PTCHD4: variants seen among roughly 807,000 people sequenced by gnomAD.
PTCHD4 encodes the protein patched domain-containing protein 4.
In PTCHD4, 33 loss-of-function variants were observed where a neutral mutation model predicts 58.1. The ratio of observed to expected loss-of-function variants is 0.57; its 90% CI spans 0.43 to 0.76. The LOEUF is 0.76. Among genes scored for constraint, PTCHD4 ranks in the 30% least tolerant of loss-of-function variants. PTCHD4 has a pLI of 0.00. For synonymous variants in PTCHD4, 478 were observed against 409.6 expected, an observed-to-expected ratio of 1.17 and a Z score of -2.02; for missense variants, 1,058 against 1,027.1, an observed-to-expected ratio of 1.03 and a Z score of -0.41.
rs565197087 is a variant in PTCHD4 at position 47,873,061 on chromosome 6, A to T, written c.*5242T>A. Among the ~76,000 whole-genome samples the T allele has an allele frequency of 6.6e-6, 1 of 151,672 alleles. No homozygotes were observed. The highest frequency in any genetic ancestry group is 1.5e-5 in the Non-Finnish European group (1 of 67,750). On this transcript the variant is annotated 3_prime_UTR_variant, in exon 5 of 5. Transcript: ENST00000339488. ...GCTTACTTTAAGCTTCTTTACAAAG[A>T]GTCTCCCTAGCTTTTCACTTTCACT... is the stretch of plus-strand genomic sequence containing the variant.
chr6:48,028,318 AGTGAGTAATTTTG>A (rs1356745020), intron 3 of PTCHD4, among the ~76,000 whole-genome samples: 61 of 152,152 alleles, frequency 4.0e-4, no homozygotes, highest in Admixed American at 1.2e-3. Flanking sequence ...TAAGGTTAAA[AGTGAGTAATTTTG>A]CTTTAAAGTA....
At chr6:48,074,092 G>T in intron 1 of PTCHD4, among the ~76,000 whole-genome samples, 1 of 151,832 alleles carries the variant, frequency 6.6e-6, no homozygotes, top group South Asian at 2.1e-4. Context: ...CTTCTGTGAC[G>T]GGTTTAAGGA....
At chr6:47,980,853 A>T (rs1273427563) in intron 4 of PTCHD4, among the ~76,000 whole-genome samples, 1 of 151,870 alleles carries the variant, frequency 6.6e-6, no homozygotes, top group Non-Finnish European at 1.5e-5. Flanking sequence ...ATATATATAT[A>T]TTTAACATTT....
At chr6:48,025,164 T>C (rs1763199557) in intron 3 of PTCHD4, among the ~76,000 whole-genome samples, 1 of 152,198 alleles carries the variant, frequency 6.6e-6, no homozygotes, top group Non-Finnish European at 1.5e-5. Context: ...TGCTCAAGAA[T>C]GGCAAGAACA....
intron 1 of PTCHD4, among the ~76,000 whole-genome samples, chr6:48,075,469 T>TA (rs1311902289): frequency 6.6e-6 from 1 of 151,766 alleles, no homozygotes; most frequent in African/African-American, 2.4e-5. Context: ...CTAGTTAGTT[T>TA]AATCACTTAA....
intron 4 of PTCHD4, among the ~76,000 whole-genome samples, chr6:47,918,601 C>T (rs1765333090): frequency 6.6e-6 from 1 of 152,110 alleles, no homozygotes. Context: ...GTTCCAAATG[C>T]TGTAGCGGTC....
intron 1 of PTCHD4, among the ~76,000 whole-genome samples, chr6:48,103,336 C>T (rs1048298395): frequency 6.6e-6 from 1 of 152,212 alleles, no homozygotes; most frequent in African/African-American, 2.4e-5. Context: ...GATACCCAGG[C>T]AAACAGGGTC....
At chr6:48,007,328 C>T (rs115114708) in intron 4 of PTCHD4, among the ~76,000 whole-genome samples, 1,822 of 152,212 alleles carry the variant, frequency 0.012, 18 homozygotes, top group Admixed American at 0.026. Flanking sequence ...AAGTTAGATC[C>T]CATCATCTAT....
At chr6:47,919,964 C>T (rs1311109138) in intron 4 of PTCHD4, among the ~76,000 whole-genome samples, 4 of 152,030 alleles carry the variant, frequency 2.6e-5, no homozygotes, top group Non-Finnish European at 4.4e-5. Flanking sequence ...CTTACAACTC[C>T]TCATGTGATT....
intron 1 of PTCHD4, among the ~76,000 whole-genome samples, chr6:48,109,830 C>T (rs775203614): frequency 1.8e-4 from 28 of 151,876 alleles, no homozygotes; most frequent in Admixed American, 2.0e-4. Flanking sequence ...TGTAAAAATT[C>T]GTCAACATCA....
intron 4 of PTCHD4, among the ~76,000 whole-genome samples, chr6:47,910,262 C>T (rs1387797843): frequency 6.6e-6 from 1 of 152,150 alleles, no homozygotes; most frequent in Non-Finnish European, 1.5e-5. Flanking sequence ...CCTCTTGCCT[C>T]ACCTAGTCAA....
rs554563949 is a variant in PTCHD4, at chr6:47,879,229, T to C, written c.1606A>G (p.Arg536Gly). 9.9e-4 allele frequency: 1,599 copies of C among 1,613,008 alleles called. 37 individuals are homozygous for C. The South Asian group carries it at 0.015, about 16-fold the overall frequency. The change falls in exon 5 of 5, where the codon AGA (arginine) becomes GGA (glycine). Residue 536 changes from arginine to glycine, a missense_variant. Arg to Gly is a moderately radical substitution (Grantham distance 125). Transcript: ENST00000339488. ...GCAGTGAATCCACTACAGAGTCTTC[T>C]TAGGTCATCCTGGACGCTGCTGTTC... Reference protein sequence around the residue: ...YWNSSVQDDLRRLCSGFTAVS... With the variant: ...YWNSSVQDDLGRLCSGFTAVS...
In PTCHD4 at chr6:47,872,804, A is replaced by G. The variant is rs577215669; in HGVS notation, c.*5499T>C. On this transcript the variant is annotated 3_prime_UTR_variant, in exon 5 of 5. Coordinates refer to ENST00000339488, the MANE Select transcript of PTCHD4 (RefSeq NM_001384253.1). The stretch of plus-strand genomic sequence containing the variant: ...TCTTTAGAGATGCAGAAGACATAAA[A>G]TGTGATTTGTAGACTAGGAAGTTAT... Among the ~76,000 whole-genome samples the G allele has an allele frequency of 1.1e-3, 164 of 151,738 alleles. No individual in the cohort carries two copies. The highest frequency in any genetic ancestry group is 3.4e-3 in the Middle Eastern group (1 of 294).
chr6:47,961,937 G>A (rs1189067134), intron 4 of PTCHD4, among the ~76,000 whole-genome samples: 1 of 151,892 alleles, frequency 6.6e-6, no homozygotes, highest in Non-Finnish European at 1.5e-5. Flanking sequence ...AAACTAAATA[G>A]AACATTAGAA....
chr6:47,978,241 C>A (rs1394996564), intron 4 of PTCHD4, among the ~76,000 whole-genome samples: 1 of 151,956 alleles, frequency 6.6e-6, no homozygotes, highest in South Asian at 2.1e-4. Flanking sequence ...CCTTCTGATT[C>A]TTTCCATTTC....
At chr6:48,097,556 G>A (rs761655191) in intron 1 of PTCHD4, among the ~76,000 whole-genome samples, 1 of 152,078 alleles carries the variant, frequency 6.6e-6, no homozygotes, top group Admixed American at 6.5e-5. Context: ...ATATTTCGGG[G>A]TGTTATCCAA....
chr6:47,941,247 T>C (rs1301574427), intron 4 of PTCHD4, among the ~76,000 whole-genome samples: 1 of 152,194 alleles, frequency 6.6e-6, no homozygotes, highest in Non-Finnish European at 1.5e-5. Flanking sequence ...ACTTGTGTTC[T>C]TCCAGAAAAA....
intron 4 of PTCHD4, among the ~76,000 whole-genome samples, chr6:47,999,164 CA>C (rs1768617179): frequency 6.6e-6 from 1 of 152,150 alleles, no homozygotes; most frequent in South Asian, 2.1e-4. Flanking sequence ...TGTTAAAATA[CA>C]ATGAGTTCTT....
rs1017864725 is a variant in PTCHD4, at chr6:47,873,456, G to A, written c.*4847C>T. On this transcript the variant is annotated 3_prime_UTR_variant, in exon 5 of 5. Transcript: ENST00000339488. Reference sequence around the variant, plus strand: ...CACCTCTTGTGCTCCTAAGTTAAACGTGATGGTGGATTAATCTTGGTCCTT... The same window carrying A: ...CACCTCTTGTGCTCCTAAGTTAAACATGATGGTGGATTAATCTTGGTCCTT... Among the ~76,000 whole-genome samples the A allele has an allele frequency of 4.0e-5, 6 of 151,576 alleles. No individual in the cohort carries two copies. Among genetic ancestry groups the A allele is most frequent in the South Asian group, 2.1e-4 (1 of 4,824 alleles).
Sources: gnomAD v4.1 joint callset for allele counts (sites outside exome capture counted in the v4.1 genomes callset) on GRCh38, gnomAD v4.1.1 for gene constraint, MANE v1.5 for transcripts, NCBI Gene and HGNC (gene_info 2026-07-23, HGNC 2026-07-21) for gene names.